The following MYO3B variants were observed in gnomAD, a reference collection of about 807,000 sequenced individuals.
The protein encoded by MYO3B is myosin-IIIb.
Under a neutral mutation model 174.6 loss-of-function variants are expected in MYO3B, and 156 were observed. That is an observed-to-expected ratio of 0.89 (90% CI 0.78 to 1.02). The LOEUF (loss-of-function observed/expected upper bound fraction) is 1.02. Among genes scored for constraint, MYO3B ranks in the 50% least tolerant of loss-of-function variants. The pLI, the probability that MYO3B is intolerant of heterozygous loss-of-function variation, is 0.00. For missense variants in MYO3B, 1,632 were observed against 1,639.4 expected (o/e 1.00, Z 0.08); for synonymous variants, 563 against 569.1 (o/e 0.99, Z 0.15).
In MYO3B at chr2:170,370,624, TACACACACACACACACACACACACACAC is replaced by T. The variant is rs55790344; in HGVS notation, c.971+1271_971+1298del. Among the ~76,000 whole-genome samples the T allele has an allele frequency of 3.6e-4, 47 of 129,544 alleles. 2 individuals are homozygous for T. In the South Asian group the frequency reaches 0.011, roughly 31 times the overall value. 85.0% of individuals were successfully genotyped at this position (129,544 alleles called of 152,430 possible). On this transcript the variant is annotated intron_variant, in intron 9 of 34. Transcript: ENST00000408978. Reference sequence around the variant, plus strand: ...CCAGCCACCACCCCTACCACCCACCTACACACACACACACACACACACACACACACACACACACACACACACACACAGC... The same window carrying T: ...CCAGCCACCACCCCTACCACCCACCTACACACACACACACACACACACAGC...
intron 25 of MYO3B, among the ~76,000 whole-genome samples, chr2:170,488,006 G>A (rs1344151694): frequency 2.0e-5 from 3 of 152,056 alleles, no homozygotes; most frequent in Non-Finnish European, 4.4e-5. Context: ...AAAACAAAAG[G>A]AAAAATCCAG....
chr2:170,606,119 G>T, intron 32 of MYO3B, among the ~76,000 whole-genome samples: 1 of 151,924 alleles, frequency 6.6e-6, no homozygotes, highest in East Asian at 1.9e-4. Flanking sequence ...ACGTATATGG[G>T]ACTCCCAGCA....
intron 32 of MYO3B, among the ~76,000 whole-genome samples, chr2:170,583,629 A>G (rs2106308062): frequency 1.3e-5 from 2 of 152,328 alleles, no homozygotes; most frequent in South Asian, 4.1e-4. Context: ...ATATTTCTTG[A>G]GCACTTTATT....
intron 7 of MYO3B, among the ~76,000 whole-genome samples, chr2:170,299,229 T>C (rs76875168): frequency 7.1e-4 from 108 of 152,326 alleles, no homozygotes; most frequent in African/African-American, 2.5e-3. Context: ...TAATAATCTC[T>C]GAGGTCATAG....
intron 32 of MYO3B, among the ~76,000 whole-genome samples, chr2:170,632,369 T>G (rs965801282): frequency 1.3e-5 from 2 of 152,152 alleles, no homozygotes; most frequent in Non-Finnish European, 2.9e-5. Flanking sequence ...AACCTGCTCC[T>G]GAATGACTAC....
intron 32 of MYO3B, among the ~76,000 whole-genome samples, chr2:170,613,077 C>T (rs1271818885): frequency 6.6e-6 from 1 of 152,172 alleles, no homozygotes; most frequent in African/African-American, 2.4e-5. Flanking sequence ...ACTCCAGTCT[C>T]TCTCACCACC....
At chr2:170,647,011 T>C (rs920948998) in intron 32 of MYO3B, 3 of 914,244 alleles carry the variant, frequency 3.3e-6, no homozygotes, top group Admixed American at 2.2e-5. Context: ...CTGTCCATCA[T>C]ATGGAACGTT....
At chr2:170,331,002 C>G (rs1005210490) in intron 7 of MYO3B, among the ~76,000 whole-genome samples, 17 of 152,156 alleles carry the variant, frequency 1.1e-4, no homozygotes, top group Non-Finnish European at 1.3e-4. Context: ...TATTTCTGTG[C>G]TGGGCACTAT....
intron 7 of MYO3B, among the ~76,000 whole-genome samples, chr2:170,253,730 A>C (rs2093277550): frequency 6.6e-6 from 1 of 152,148 alleles, no homozygotes; most frequent in Non-Finnish European, 1.5e-5. Context: ...GAGAAGAATA[A>C]GGGTAGTATT....
intron 32 of MYO3B, among the ~76,000 whole-genome samples, chr2:170,596,200 A>G (rs1392968170): frequency 1.3e-5 from 2 of 152,214 alleles, no homozygotes; most frequent in Admixed American, 6.5e-5. Flanking sequence ...AGGAAAAAAA[A>G]TTTGAAGTAC....
intron 8 of MYO3B, 84 bp downstream of exon 8, chr2:170,335,534 G>GA: frequency 9.5e-7 from 1 of 1,058,084 alleles, no homozygotes; most frequent in Non-Finnish European, 1.4e-6. Flanking sequence ...GAATTTACTT[G>GA]ACACTAGAGG....
chr2:170,499,988 G>A (rs978759248), intron 27 of MYO3B, among the ~76,000 whole-genome samples, 180 bp downstream of exon 27: 7 of 127,578 alleles, frequency 5.5e-5, no homozygotes, highest in Admixed American at 2.0e-4. Context: ...CCTTCCTTTA[G>A]CAAATGTGTA....
chr2:170,207,680 C>CTT lies in MYO3B; in HGVS notation c.322-6690_322-6689dup, dbSNP rs377407475. On this transcript the variant is annotated intron_variant, in intron 3 of 34. Transcript: ENST00000408978. ...AGGAAGAGAAAGAAAAAAAAAAAGG[C>CTT]TTTTTTTTTTCTCAAAGGATTAGTC... Among the ~76,000 whole-genome samples the CTT allele has an allele frequency of 4.9e-3, 719 of 146,830 alleles. 5 individuals carry two copies. Among genetic ancestry groups the CTT allele is most frequent in the African/African-American group, 0.017 (671 of 39,922 alleles).
chr2:170,356,040 A>G (rs2094117747), intron 8 of MYO3B, among the ~76,000 whole-genome samples: 1 of 151,982 alleles, frequency 6.6e-6, no homozygotes, highest in African/African-American at 2.4e-5. Flanking sequence ...GGCTCACTGC[A>G]AGCTCTGCCT....
intron 30 of MYO3B, among the ~76,000 whole-genome samples, chr2:170,522,394 C>G (rs1688725767): frequency 6.6e-6 from 1 of 152,212 alleles, no homozygotes; most frequent in Non-Finnish European, 1.5e-5. Flanking sequence ...CACAGTCACT[C>G]TTGACCCCTA....
At chr2:170,388,504 C>T (rs1188999980) in intron 14 of MYO3B, among the ~76,000 whole-genome samples, 1 of 152,098 alleles carries the variant, frequency 6.6e-6, no homozygotes, top group Non-Finnish European at 1.5e-5. Context: ...CCAAATCATG[C>T]AGGGCTTTGG....
At chr2:170,473,046 G>A (rs1208326966) in intron 25 of MYO3B, among the ~76,000 whole-genome samples, 4 of 151,634 alleles carry the variant, frequency 2.6e-5, no homozygotes, top group African/African-American at 4.8e-5. Context: ...TGCCTGGCAC[G>A]AATTCAGTGT....
intron 7 of MYO3B, among the ~76,000 whole-genome samples, chr2:170,315,017 G>T (rs1455961613): frequency 6.6e-6 from 1 of 152,152 alleles, no homozygotes; most frequent in East Asian, 1.9e-4. Context: ...GGGTGATTAC[G>T]GACCCAATTG....
At position 170,489,425 on chromosome 2, in the gene MYO3B, T is replaced by C. The variant is rs962965985; in HGVS notation, c.3015-9167T>C. ...TGTGCGGTGCAGAAGCCCCCAAATC[T>C]GTGGGGAACTTGGGTAGTCAGTGAA... On this transcript the variant is annotated intron_variant, in intron 25 of 34. Transcript: ENST00000408978. 3.3e-5 allele frequency among the ~76,000 whole-genome samples: 5 copies of C among 152,252 alleles called. No homozygotes were observed. The South Asian group carries it at 1.0e-3, about 32-fold the overall frequency.
Sources: allele counts gnomAD v4.1 joint callset (sites outside exome capture counted in the v4.1 genomes callset), GRCh38; gene constraint gnomAD v4.1.1; transcripts MANE v1.5; gene names NCBI Gene and HGNC (gene_info 2026-07-23, HGNC 2026-07-21).